Variants in IL17RA observed in about 807,000 individuals in gnomAD.
IL17RA encodes the protein interleukin-17 receptor A.
Under a neutral mutation model 50.4 loss-of-function variants are expected in IL17RA, and 34 were observed. The ratio of observed to expected loss-of-function variants is 0.67; its 90% CI spans 0.51 to 0.90. IL17RA has a LOEUF of 0.90. IL17RA is among the 40% of genes least tolerant of loss of function. IL17RA has a pLI of 0.00. For synonymous variants in IL17RA, 585 were observed against 510.4 expected (o/e 1.15, Z -1.97); for missense variants, 1,276 against 1,169.8 (o/e 1.09, Z -1.32).
At chr22:17,098,446 C>A (rs752785677) in intron 3 of IL17RA, among the ~76,000 whole-genome samples, 3 of 152,198 alleles carry the variant, frequency 2.0e-5, no homozygotes, top group Non-Finnish European at 4.4e-5. Context: ...AGTGCTCCTG[C>A]TGACAGCCAC....
chr22:17,085,296 C>CCGGACGGT, intron 1 of IL17RA, 67 bp downstream of exon 1: 1 of 1,525,064 alleles, frequency 6.6e-7, no homozygotes, highest in Middle Eastern at 2.3e-4. Flanking sequence ...TCGCGGAGGG[C>CCGGACGGT]CGGACGGTCG....
intron 10 of IL17RA, 51 bp from the exon 11 acceptor site, chr22:17,105,802 G>T: frequency 6.5e-7 from 1 of 1,529,686 alleles, no homozygotes; most frequent in South Asian, 1.1e-5. Flanking sequence ...GGGCCTCAGG[G>T]TGGGCAGGGC....
chr22:17,092,540 T>TG (rs2061351599), intron 1 of IL17RA, among the ~76,000 whole-genome samples: 1 of 152,136 alleles, frequency 6.6e-6, no homozygotes, highest in Non-Finnish European at 1.5e-5. Flanking sequence ...GATACCCAGC[T>TG]GGTGTCTGCT....
In IL17RA at chr22:17,111,724, GCA is replaced by G. The variant is rs1430189665; in HGVS notation, c.*1905_*1906del. 2.0e-5 allele frequency: 3 copies of G among 152,332 alleles called. No individual in the cohort carries two copies. Among genetic ancestry groups the G allele is most frequent in the African/African-American group, 7.2e-5 (3 of 41,572 alleles). The allele number at this position is 152,332 out of a possible 1,614,324, so 9.4% of individuals were successfully genotyped here. On this transcript the variant is annotated 3_prime_UTR_variant, in exon 13 of 13. Transcript: ENST00000319363. ...GACAGGAGAGCAAACAGGACAGTTT[GCA>G]TGTGTGTGTGCGCACACATACATGT...
Position 17,112,197 on chromosome 22 carries a change from C to G in IL17RA, c.*2377C>G, listed in dbSNP as rs1280650925. 6.6e-6 allele frequency: 1 copy of G among 152,256 alleles called. No homozygotes were observed. Among genetic ancestry groups the G allele is most frequent in the African/African-American group, 2.4e-5 (1 of 41,448 alleles). 9.4% of individuals were successfully genotyped at this position (152,256 alleles called of 1,614,324 possible). On this transcript the variant is annotated 3_prime_UTR_variant, in exon 13 of 13. Transcript: ENST00000319363. ...TCCCATTCCTCAGGAACCTTGAATTCTAGCTCTGCTGGCCTTTGAGCCCAT... is the reference window on the plus strand; with the variant it reads ...TCCCATTCCTCAGGAACCTTGAATTGTAGCTCTGCTGGCCTTTGAGCCCAT...
At chr22:17,090,465 G>C in intron 1 of IL17RA, among the ~76,000 whole-genome samples, 1 of 151,988 alleles carries the variant, frequency 6.6e-6, no homozygotes, top group Middle Eastern at 3.4e-3. Flanking sequence ...GTCAAGTTAC[G>C]TATGGTGATC....
At chr22:17,105,737 G>A in intron 10 of IL17RA, 116 bp from the exon 11 acceptor site, 13 of 1,400,006 alleles carry the variant, frequency 9.3e-6, no homozygotes, top group Non-Finnish European at 1.3e-5. Flanking sequence ...TGAGACCATG[G>A]TTTGTCGTGG....
At chr22:17,098,924 G>C in intron 4 of IL17RA, 37 bp downstream of exon 4, 2 of 1,466,462 alleles carry the variant, frequency 1.4e-6, no homozygotes, top group Non-Finnish European at 1.9e-6. Context: ...ATGTTCCACT[G>C]ATGACACCAG....
intron 3 of IL17RA, 44 bp from the exon 4 acceptor site, chr22:17,098,730 TG>T: frequency 6.6e-7 from 1 of 1,516,260 alleles, no homozygotes; most frequent in Non-Finnish European, 9.2e-7. Flanking sequence ...GCACTTGTCT[TG>T]GCTGATCTGC....
chr22:17,095,117 A>T (rs375897470), intron 1 of IL17RA, among the ~76,000 whole-genome samples: 2 of 152,184 alleles, frequency 1.3e-5, no homozygotes, highest in South Asian at 4.1e-4. Flanking sequence ...AATCCATGCA[A>T]TTCTAAATAA....
chr22:17,088,294 C>T (rs1375686180), intron 1 of IL17RA, among the ~76,000 whole-genome samples: 1 of 152,098 alleles, frequency 6.6e-6, no homozygotes, highest in Non-Finnish European at 1.5e-5. Context: ...GAATAGTGGC[C>T]TATTGGAGGT....
At position 17,098,797 on chromosome 22, in the gene IL17RA, T is replaced by C. The variant is rs1312107008; in HGVS notation, c.333T>C (p.Gly111=). The C allele has an allele frequency of 1.2e-6, 2 of 1,614,204 alleles. No homozygotes were observed. Among genetic ancestry groups the C allele is most frequent in the East Asian group, 4.5e-5 (2 of 44,886 alleles). ...CAGCCAGCATCCTGTACCTCGAGGG[T>C]GCAGAGTTATCTGTCCTGCAGCTGA... is the stretch of plus-strand genomic sequence containing the variant. ...QTDASILYLE[G]AELSVLQLNT... is the part of the protein sequence containing the mutation. The change falls in exon 4 of 13, where the codon GGT becomes GGC. Residue 111 remains glycine (G), a synonymous_variant. Transcript: ENST00000319363.
chr22:17,098,805 T>C lies in IL17RA; in HGVS notation c.341T>C (p.Leu114Ser). 6.2e-7 allele frequency: 1 copy of C among 1,614,200 alleles called. No homozygotes were observed. The highest frequency in any genetic ancestry group is 1.3e-5 in the African/African-American group (1 of 75,046). The change falls in exon 4 of 13, where the codon TTA becomes TCA. Residue 114 changes from leucine (L) to serine (S), a missense_variant. Physicochemically the swap from Leu to Ser is moderately radical, Grantham distance 145 (BLOSUM62 -2). Coordinates refer to ENST00000319363, the MANE Select transcript of IL17RA (RefSeq NM_014339.7). ...ATCCTGTACCTCGAGGGTGCAGAGT[T>C]ATCTGTCCTGCAGCTGAACACCAAT... ...ASILYLEGAE[L>S]SVLQLNTNER...
chr22:17,094,669 C>G (rs2061360049), intron 1 of IL17RA, among the ~76,000 whole-genome samples: 7 of 24,236 alleles, frequency 2.9e-4, no homozygotes, highest in Non-Finnish European at 5.7e-4. Context: ...CTCTCTCTCT[C>G]TCTCTCTCTC....
chr22:17,099,607 C>T (rs989449041), intron 4 of IL17RA, among the ~76,000 whole-genome samples: 8 of 151,946 alleles, frequency 5.3e-5, no homozygotes, highest in South Asian at 4.1e-4. Context: ...CACTTGAAAA[C>T]AAGTTAGATC....
chr22:17,096,805 G>A (rs2061369860), intron 1 of IL17RA, among the ~76,000 whole-genome samples: 3 of 150,696 alleles, frequency 2.0e-5, no homozygotes, highest in African/African-American at 4.9e-5. Flanking sequence ...GGGAGGCGGA[G>A]CTTGCAGTGA....
At chr22:17,103,448 C>T (rs1045780016) in intron 7 of IL17RA, 46 bp from the exon 8 acceptor site, 1 of 1,534,108 alleles carries the variant, frequency 6.5e-7, no homozygotes, top group African/African-American at 1.4e-5. Flanking sequence ...CCCAACTAGC[C>T]TTACCCATCC....
Position 17,105,724 on chromosome 22 carries a change from G to C in IL17RA, c.943+122G>C, listed in dbSNP as rs35078252. On this transcript the variant is annotated intron_variant, in intron 10 of 12. Transcript: ENST00000319363. ...TGAACCGAGGCCAGCCCGGGGTGGG[G>C]GGTGAGACCATGGTTTGTCGTGGTG... 713,217 of 1,384,512 alleles carry C rather than the reference G, an allele frequency of 0.52. 187,986 individuals carry two copies. Among genetic ancestry groups the C allele is most frequent in the East Asian group, 0.78 (34,434 of 43,928 alleles). The allele number at this position is 1,384,512 out of a possible 1,614,324, so 85.8% of individuals were successfully genotyped here. A position where few individuals can be genotyped will look rare whatever the true frequency, so the allele number is the denominator to read the frequency against.
rs751204457 is a variant in IL17RA at position 17,104,821 on chromosome 22, T to A, written c.931+11T>A. 6.2e-7 allele frequency: 1 copy of A among 1,613,446 alleles called. No homozygotes were observed. Among genetic ancestry groups the A allele is most frequent in the South Asian group, 1.1e-5 (1 of 91,062 alleles). ...TGCCAGACACTCCAGGTAGGGGACA[T>A]GCGGCTGTCCTAGGCCATACTGGGA... On this transcript the variant is annotated intron_variant, in intron 9 of 12. Coordinates refer to ENST00000319363, the MANE Select transcript of IL17RA (RefSeq NM_014339.7).
Sources: allele counts gnomAD v4.1 joint callset (sites outside exome capture counted in the v4.1 genomes callset), GRCh38; gene constraint gnomAD v4.1.1; transcripts MANE v1.5; gene names NCBI Gene and HGNC (gene_info 2026-07-23, HGNC 2026-07-21).